MSRA: variants seen among roughly 807,000 people sequenced by gnomAD.
The protein encoded by MSRA is methionine sulfoxide reductase A, also known as mitochondrial peptide methionine sulfoxide reductase.
MSRA carries 54 observed loss-of-function variants against 31.3 expected under a neutral mutation model. The observed-to-expected ratio is 1.73, with a 90% CI of 1.39 to 2.17. MSRA has a LOEUF of 2.17. Among genes scored for constraint, MSRA ranks in the 30% most tolerant of loss-of-function variants. The probability of loss-of-function intolerance (pLI) is 0.00; values close to 1 mark genes in which losing one functional copy is unlikely to be tolerated. For missense variants in MSRA, 507 were observed against 300.9 expected (o/e 1.69, Z -5.07); for synonymous variants, 169 against 116.5 (o/e 1.45, Z -2.90).
chr8:10,361,928 ATTTCCTGGAAAGGGAAATCG>A (rs1251663662), intron 5 of MSRA, among the ~76,000 whole-genome samples: 36 of 151,662 alleles, frequency 2.4e-4, no homozygotes, highest in Admixed American at 2.4e-3. Flanking sequence ...CTTCCCCCTC[ATTTCCTGGAAAGGGAAATCG>A]TTTCCTTCTC....
chr8:10,328,323 A>G lies in MSRA; in HGVS notation c.543+8334A>G, dbSNP rs552318350. The stretch of plus-strand genomic sequence containing the variant: ...TGCCTAACTAAGCAAGATCCTCAGA[A>G]GTCATCCCTGCCTCATGCCTTTCCC... On this transcript the variant is annotated intron_variant, in intron 5 of 5. Transcript: ENST00000317173. Among the ~76,000 whole-genome samples, 4 of 145,336 alleles carry G rather than the reference A, an allele frequency of 2.8e-5. No homozygotes were observed. The East Asian group carries it at 8.2e-4, about 30-fold the overall frequency.
intron 1 of MSRA, among the ~76,000 whole-genome samples, chr8:10,091,607 G>GT (rs377691325): frequency 0.031 from 4,235 of 136,254 alleles, 155 homozygotes; most frequent in African/African-American, 0.082. Context: ...TCATATGGTA[G>GT]TTTTTTTTTT....
intron 3 of MSRA, among the ~76,000 whole-genome samples, chr8:10,249,420 C>T (rs567736562): frequency 3.9e-5 from 6 of 152,170 alleles, no homozygotes; most frequent in African/African-American, 7.2e-5. Context: ...GCTTCAGTTG[C>T]CTCCTGCATT....
chr8:10,154,296 C>T (rs1803962862), intron 1 of MSRA, among the ~76,000 whole-genome samples: 1 of 147,632 alleles, frequency 6.8e-6, no homozygotes, highest in African/African-American at 2.5e-5. Context: ...GGGTGCTACC[C>T]AATAAGGTAG....
At chr8:10,145,689 T>A (rs572519419) in intron 1 of MSRA, among the ~76,000 whole-genome samples, 16 of 152,328 alleles carry the variant, frequency 1.1e-4, no homozygotes, top group Non-Finnish European at 1.9e-4. Context: ...CCCTGAAATG[T>A]GTAAGACATG....
chr8:10,266,477 G>A (rs1490083893), intron 3 of MSRA, among the ~76,000 whole-genome samples: 2 of 152,068 alleles, frequency 1.3e-5, no homozygotes, highest in Non-Finnish European at 2.9e-5. Context: ...ATATATTCTG[G>A]AAACAAGTCC....
chr8:10,300,666 G>T (rs1800794515), intron 3 of MSRA, among the ~76,000 whole-genome samples: 1 of 152,108 alleles, frequency 6.6e-6, no homozygotes, highest in Non-Finnish European at 1.5e-5. Context: ...GGATTACAGT[G>T]AACTGCCATG....
rs114706090 is a variant in MSRA at position 10,221,025 on chromosome 8, C to G, written c.211+13124C>G. Among the ~76,000 whole-genome samples, 1,069 of 152,286 alleles carry G rather than the reference C, an allele frequency of 7.0e-3. 14 individuals carry two copies. Among genetic ancestry groups the G allele is most frequent in the African/African-American group, 0.024 (1,001 of 41,556 alleles). ...CTGGCGGGTGTGTCTTTGGCCAGGCCTCACACTGACAGCTCTGCAGTACAG... is the reference window on the plus strand; with the variant it reads ...CTGGCGGGTGTGTCTTTGGCCAGGCGTCACACTGACAGCTCTGCAGTACAG... On this transcript the variant is annotated intron_variant, in intron 2 of 5. Transcript: ENST00000317173.
intron 5 of MSRA, among the ~76,000 whole-genome samples, chr8:10,407,508 G>C (rs1807891917): frequency 6.6e-6 from 1 of 152,214 alleles, no homozygotes; most frequent in African/African-American, 2.4e-5. Flanking sequence ...GATGGGGAGA[G>C]TTGATGATGG....
intron 5 of MSRA, among the ~76,000 whole-genome samples, chr8:10,408,675 G>T (rs1401604992): frequency 6.6e-6 from 1 of 152,160 alleles, no homozygotes; most frequent in Non-Finnish European, 1.5e-5. Context: ...CTTTTTTAGT[G>T]TTAATATCAC....
chr8:10,277,193 C>G (rs1185922989), intron 3 of MSRA, among the ~76,000 whole-genome samples: 1 of 152,164 alleles, frequency 6.6e-6, no homozygotes, highest in African/African-American at 2.4e-5. Context: ...TCCTGGCAAA[C>G]TTAAGACAGT....
chr8:10,271,323 C>T (rs1397154230), intron 3 of MSRA, among the ~76,000 whole-genome samples: 1 of 152,102 alleles, frequency 6.6e-6, no homozygotes, highest in Non-Finnish European at 1.5e-5. Context: ...ACACTAAGGA[C>T]AGCTGATGTG....
intron 1 of MSRA, among the ~76,000 whole-genome samples, chr8:10,162,060 C>T (rs10107965): frequency 0.015 from 2,314 of 152,178 alleles, 65 homozygotes; most frequent in African/African-American, 0.052. Flanking sequence ...AGACACAGCC[C>T]GTGACACTTT....
At chr8:10,236,939 G>A (rs1811994289) in intron 2 of MSRA, among the ~76,000 whole-genome samples, 1 of 152,154 alleles carries the variant, frequency 6.6e-6, no homozygotes, top group African/African-American at 2.4e-5. Context: ...CTATGTTATT[G>A]TTTTCATAGT....
intron 3 of MSRA, among the ~76,000 whole-genome samples, chr8:10,282,200 C>G (rs1373689759): frequency 6.6e-6 from 1 of 152,206 alleles, no homozygotes; most frequent in Non-Finnish European, 1.5e-5. Flanking sequence ...ATTCTCCTCT[C>G]ACCAGCCTCT....
intron 2 of MSRA, among the ~76,000 whole-genome samples, chr8:10,219,847 T>G (rs1410638926): frequency 6.8e-6 from 1 of 146,202 alleles, no homozygotes; most frequent in Non-Finnish European, 1.5e-5. Context: ...TTAGGTCCAG[T>G]ACAATGTACA....
intron 1 of MSRA, among the ~76,000 whole-genome samples, chr8:10,107,589 G>A (rs1023854029): frequency 1.3e-5 from 2 of 152,030 alleles, no homozygotes; most frequent in African/African-American, 2.4e-5. Flanking sequence ...AGCTATTTCT[G>A]TATGTAAGCA....
At chr8:10,196,209 C>T (rs1308176670) in intron 1 of MSRA, among the ~76,000 whole-genome samples, 3 of 152,224 alleles carry the variant, frequency 2.0e-5, no homozygotes, top group African/African-American at 7.2e-5. Flanking sequence ...GAGAGATGTG[C>T]TGTATACTGT....
intron 3 of MSRA, among the ~76,000 whole-genome samples, chr8:10,271,923 G>A (rs1016975136): frequency 2.6e-5 from 4 of 152,132 alleles, no homozygotes; most frequent in Non-Finnish European, 5.9e-5. Flanking sequence ...GGTCAGGCTG[G>A]TCTCGAACTC....
Sources: gnomAD v4.1 joint callset for allele counts (sites outside exome capture counted in the v4.1 genomes callset) on GRCh38, gnomAD v4.1.1 for gene constraint, MANE v1.5 for transcripts, NCBI Gene and HGNC (gene_info 2026-07-23, HGNC 2026-07-21) for gene names.